RELN: variants seen among roughly 807,000 people sequenced by gnomAD.
RELN encodes the protein reelin.
In RELN, 108 loss-of-function variants were observed where a neutral mutation model predicts 427.6. The observed-to-expected ratio is 0.25, with a 90% CI of 0.22 to 0.30. RELN has a LOEUF of 0.30. Ranked by LOEUF, RELN falls within the 10% of genes least tolerant of loss-of-function variation. The pLI, the probability that RELN is intolerant of heterozygous loss-of-function variation, is 1.00. For missense variants in RELN, 3,715 were observed against 4,302.8 expected (o/e 0.86, Z 3.82); for synonymous variants, 1,524 against 1,513.4 (o/e 1.01, Z -0.16).
intron 4 of RELN, among the ~76,000 whole-genome samples, chr7:103,770,330 C>T (rs530552114): frequency 3.3e-5 from 5 of 152,288 alleles, no homozygotes; most frequent in South Asian, 2.1e-4. Context: ...GTGATCCACC[C>T]GTCTTGGCCT....
chr7:103,696,285 A>T (rs1007245267), intron 10 of RELN, among the ~76,000 whole-genome samples: 1 of 152,076 alleles, frequency 6.6e-6, no homozygotes, highest in Non-Finnish European at 1.5e-5. Context: ...TGACATTTTC[A>T]TATCACCTAA....
intron 1 of RELN, among the ~76,000 whole-genome samples, chr7:103,971,615 G>T (rs1313021482): frequency 2.0e-5 from 3 of 152,220 alleles, no homozygotes; most frequent in Admixed American, 1.3e-4. Context: ...CAGACAGGCT[G>T]CCTGACAAAA....
At position 103,596,407 on chromosome 7, in the gene RELN, C is replaced by CT. The variant is rs759305524; in HGVS notation, c.3539+48dup. On this transcript the variant is annotated intron_variant, in intron 25 of 64. Transcript: ENST00000428762. ...GGAAACACATCAACAATGATTTAAC[C>CT]TTTACCATTCCTGGAAACTAATGCG... is the stretch of plus-strand genomic sequence containing the variant. 2.8e-5 allele frequency: 41 copies of CT among 1,489,492 alleles called. No individual in the cohort carries two copies. In the South Asian group the frequency reaches 4.6e-4, roughly 17 times the overall value. 92.3% of individuals were successfully genotyped at this position (1,489,492 alleles called of 1,614,324 possible). A position where few individuals can be genotyped will look rare whatever the true frequency, so the allele number is the denominator to read the frequency against.
chr7:103,891,219 G>A (rs537849394), intron 2 of RELN, among the ~76,000 whole-genome samples: 1 of 152,130 alleles, frequency 6.6e-6, no homozygotes, highest in South Asian at 2.1e-4. Context: ...CATTCTGCTT[G>A]AGCTAGAATA....
At chr7:103,735,129 A>C (rs1419759005) in intron 6 of RELN, among the ~76,000 whole-genome samples, 2 of 152,184 alleles carry the variant, frequency 1.3e-5, no homozygotes, top group Admixed American at 6.5e-5. Flanking sequence ...TGACCAAAAA[A>C]ACTAGGATCA....
intron 60 of RELN, 152 bp downstream of exon 60, chr7:103,489,590 C>CAAAGTTAAAGAGTGACCAAGGAGT: frequency 1.1e-6 from 1 of 905,204 alleles, no homozygotes; most frequent in Middle Eastern, 2.9e-4. Flanking sequence ...TAATTTGTCC[C>CAAAGTTAAAGAGTGACCAAGGAGT]AAAGTTAAAG....
intron 11 of RELN, among the ~76,000 whole-genome samples, chr7:103,674,824 C>A (rs1322412196): frequency 6.6e-6 from 1 of 152,122 alleles, no homozygotes; most frequent in African/African-American, 2.4e-5. Flanking sequence ...AGGCCTTTGA[C>A]AAAATTCAAC....
chr7:103,884,807 G>A (rs546248040), intron 2 of RELN, among the ~76,000 whole-genome samples: 58 of 152,206 alleles, frequency 3.8e-4, no homozygotes, highest in Non-Finnish European at 7.2e-4. Flanking sequence ...GGATGTGGAG[G>A]AATAGGAACA....
intron 3 of RELN, among the ~76,000 whole-genome samples, chr7:103,790,917 C>T (rs577393655): frequency 3.3e-5 from 5 of 151,910 alleles, no homozygotes; most frequent in African/African-American, 9.7e-5. Context: ...TGCCAGATCG[C>T]GCCACTGCAC....
At chr7:103,651,918 G>C (rs1053052786) in intron 14 of RELN, 129 bp from the exon 15 acceptor site, 2 of 944,894 alleles carry the variant, frequency 2.1e-6, no homozygotes, top group East Asian at 5.5e-5. Context: ...TAAAGATGCT[G>C]TTTCCTAAAT....
At chr7:103,793,277 T>C (rs1193501867) in intron 3 of RELN, among the ~76,000 whole-genome samples, 2 of 152,232 alleles carry the variant, frequency 1.3e-5, no homozygotes, top group Non-Finnish European at 2.9e-5. Context: ...AGCATATGTA[T>C]AGCAAAGCCC....
intron 4 of RELN, among the ~76,000 whole-genome samples, chr7:103,763,982 T>C (rs1284156660): frequency 1.3e-5 from 2 of 152,284 alleles, no homozygotes; most frequent in African/African-American, 2.4e-5. Context: ...GATATAGACA[T>C]GGATGACCAC....
chr7:103,841,655 C>T (rs760860001), intron 2 of RELN, among the ~76,000 whole-genome samples: 1 of 152,126 alleles, frequency 6.6e-6, no homozygotes, highest in African/African-American at 2.4e-5. Flanking sequence ...TTTTAATGTG[C>T]ACTCTTTGAG....
intron 64 of RELN, among the ~76,000 whole-genome samples, chr7:103,477,624 C>T (rs1292315458): frequency 6.6e-6 from 1 of 152,198 alleles, no homozygotes; most frequent in Non-Finnish European, 1.5e-5. Flanking sequence ...CAGACACAAA[C>T]ATCTCACACA....
intron 58 of RELN, 27 bp downstream of exon 58, chr7:103,491,926 G>T: frequency 1.4e-6 from 2 of 1,438,600 alleles, no homozygotes; most frequent in Non-Finnish European, 1.9e-6. Flanking sequence ...CAAGTTTGAA[G>T]ATAATGTTAA....
intron 1 of RELN, among the ~76,000 whole-genome samples, chr7:103,939,128 T>C (rs1269227810): frequency 1.3e-5 from 2 of 152,096 alleles, no homozygotes; most frequent in East Asian, 3.9e-4. Context: ...TTTGTATTTT[T>C]AGTAGAGACA....
chr7:103,845,089 C>T (rs988221628), intron 2 of RELN, among the ~76,000 whole-genome samples: 2 of 152,170 alleles, frequency 1.3e-5, no homozygotes, highest in African/African-American at 2.4e-5. Context: ...GTCTAAATAA[C>T]CTGTGATTGC....
At chr7:103,947,240 C>A (rs4556029) in intron 1 of RELN, among the ~76,000 whole-genome samples, 54,289 of 151,994 alleles carry the variant, frequency 0.36, 10,365 homozygotes, top group Non-Finnish European at 0.42. Context: ...CTTTTGTGCA[C>A]CAGATACAAA....
intron 30 of RELN, among the ~76,000 whole-genome samples, chr7:103,572,530 TCTGTTATA>T (rs1830906238): frequency 6.6e-6 from 1 of 151,858 alleles, no homozygotes; most frequent in Non-Finnish European, 1.5e-5. Context: ...ATTGTGACAG[TCTGTTATA>T]ATTTATTTTT....
Sources: allele counts gnomAD v4.1 joint callset (sites outside exome capture counted in the v4.1 genomes callset), GRCh38; gene constraint gnomAD v4.1.1; transcripts MANE v1.5; gene names NCBI Gene and HGNC (gene_info 2026-07-23, HGNC 2026-07-21).